EPHA2: variants seen among roughly 807,000 people sequenced by gnomAD.
EPHA2 encodes the protein EPH receptor A2.
In EPHA2, 54 loss-of-function variants were observed where a neutral mutation model predicts 104.9. The ratio of observed to expected loss-of-function variants is 0.51; its 90% CI spans 0.41 to 0.65. The LOEUF is 0.65. Among genes scored for constraint, EPHA2 ranks in the 30% least tolerant of loss-of-function variants. The pLI is 0.00. For synonymous variants in EPHA2, 560 were observed against 559.1 expected (o/e 1.00, Z -0.02); for missense variants, 1,117 against 1,369.5 (o/e 0.82, Z 2.91).
At chr1:16,133,399 T>A (rs2124206417) in intron 10 of EPHA2, 31 bp from the exon 11 acceptor site, 2 of 1,613,844 alleles carry the variant, frequency 1.2e-6, no homozygotes, top group African/African-American at 2.7e-5. Flanking sequence ...GGGAGTGCCC[T>A]GGTCAGCCCC....
chr1:16,153,907 A>AC (rs1569620392), intron 1 of EPHA2, among the ~76,000 whole-genome samples: 1 of 150,106 alleles, frequency 6.7e-6, no homozygotes, highest in East Asian at 2.0e-4. Flanking sequence ...CATCATGCCC[A>AC]CCCCCACCTA....
In EPHA2 at chr1:16,129,450, C is replaced by T; in HGVS notation, c.2809G>A (p.Val937Met). ...AAGYTAIEKV[V>M]QMTNDDIKRI... ...CTGACTTACTCGTTGGTCATCTGCACCACCTTCTCGATGGCAGTGTAGCCG... is the reference window on the plus strand; with the variant it reads ...CTGACTTACTCGTTGGTCATCTGCATCACCTTCTCGATGGCAGTGTAGCCG... The change falls in exon 16 of 17, where the codon GTG becomes ATG. Residue 937 changes from valine to methionine, a missense_variant. This residue lies in a region of EPHA2 where 340 missense variants were observed against 480.5 expected (regional missense o/e 0.71). Transcript: ENST00000358432. 4 of 1,613,550 alleles carry T rather than the reference C, an allele frequency of 2.5e-6. No individual in the cohort carries two copies. Among genetic ancestry groups the T allele is most frequent in the Non-Finnish European group, 3.4e-6 (4 of 1,180,012 alleles).
In EPHA2 at chr1:16,135,750, C is replaced by G; in HGVS notation, c.1333G>C (p.Glu445Gln). 6.2e-7 allele frequency: 1 copy of G among 1,613,168 alleles called. No homozygotes were observed. Among genetic ancestry groups the G allele is most frequent in the Non-Finnish European group, 8.5e-7 (1 of 1,179,916 alleles). Residue 445 changes from glutamate (E) to glutamine (Q), a missense_variant, in exon 6 of 17, where the codon GAG becomes CAG. By Grantham distance (29) the Glu-to-Gln change is conservative. Coordinates refer to ENST00000358432, the MANE Select transcript of EPHA2 (RefSeq NM_004431.5). The surrounding 1 kb of genome is among the most constrained non-coding windows in gnomAD (Gnocchi z 4.3). ...NQTEPPKVRL[E>Q]GRSTTSLSVS... ...CTAAGCGAGGTGGTGCTGCGGCCCT[C>G]CAGCCTCACCTTGGGGGGCTCTGGG...
rs1329713437 is a variant in EPHA2, at chr1:16,125,325, G to A, written c.2826-5C>T. On this transcript the variant is annotated splice_polypyrimidine_tract_variant and splice_region_variant and intron_variant, in intron 16 of 16. Coordinates refer to ENST00000358432, the MANE Select transcript of EPHA2 (RefSeq NM_004431.5). The surrounding 1 kb of genome is among the most constrained non-coding windows in gnomAD (Gnocchi z 4.9). ...ACCCCAATCCTCTTGATGTCGCTGT[G>A]GGCCGGGAGGGAGAGAGGGAGAGTT... 3 of 1,611,150 alleles carry A rather than the reference G, an allele frequency of 1.9e-6. No homozygotes were observed. Among genetic ancestry groups the A allele is most frequent in the Non-Finnish European group, 2.5e-6 (3 of 1,178,460 alleles).
In EPHA2 at chr1:16,150,126, G is replaced by A. The variant is rs912411677; in HGVS notation, c.153+770C>T. 3.0e-4 allele frequency among the ~76,000 whole-genome samples: 45 copies of A among 152,184 alleles called. No homozygotes were observed. The highest frequency in any genetic ancestry group is 1.0e-3 in the African/African-American group (43 of 41,432). On this transcript the variant is annotated intron_variant, in intron 2 of 16. Transcript: ENST00000358432. This position sits in a 1 kb window ranked among gnomAD's most constrained non-coding sequence, Gnocchi z 4.8. Reference sequence around the variant, plus strand: ...AAGCCTGCCCAGAGCTAGGGTGACCGGGGACAAGAACTCGACTCATGCAGA... The same window carrying A: ...AAGCCTGCCCAGAGCTAGGGTGACCAGGGACAAGAACTCGACTCATGCAGA...
intron 1 of EPHA2, among the ~76,000 whole-genome samples, chr1:16,154,637 C>T (rs1322556106): frequency 6.6e-6 from 1 of 151,682 alleles, no homozygotes; most frequent in Non-Finnish European, 1.5e-5. Context: ...CACCTGTAAT[C>T]CCAGCTACTA....
Position 16,125,378 on chromosome 1 carries a change from G to T in EPHA2, c.2826-58C>A. On this transcript the variant is annotated intron_variant, in intron 16 of 16. Coordinates refer to ENST00000358432, the MANE Select transcript of EPHA2 (RefSeq NM_004431.5). The surrounding 1 kb of genome is among the most constrained non-coding windows in gnomAD (Gnocchi z 4.9). ...GGGCTGGAGCAGGGGAGGGGGCCGGGCTGGGTGGGGACAGGACTCGGTGGG... is the reference window on the plus strand; with the variant it reads ...GGGCTGGAGCAGGGGAGGGGGCCGGTCTGGGTGGGGACAGGACTCGGTGGG... 1 of 1,034,534 alleles carries T rather than the reference G, an allele frequency of 9.7e-7. No individual in the cohort carries two copies. The highest frequency in any genetic ancestry group is 2.2e-5 in the Admixed American group (1 of 45,388). The allele number at this position is 1,034,534 out of a possible 1,614,324, so 64.1% of individuals were successfully genotyped here. A position where few individuals can be genotyped will look rare whatever the true frequency, so the allele number is the denominator to read the frequency against.
chr1:16,127,331 T>C (rs886123242), intron 16 of EPHA2, among the ~76,000 whole-genome samples: 5 of 152,192 alleles, frequency 3.3e-5, no homozygotes, highest in African/African-American at 9.7e-5. Context: ...GGGGTTGGGC[T>C]ATTTTTCTGG....
In EPHA2 at chr1:16,134,364, G is replaced by T; in HGVS notation, c.1682+104C>A. ...CCATCCGGAGGCAGGGATTAGACTCGACTAGCATCCTGTGGGCCCCATCGT... is the reference window on the plus strand; with the variant it reads ...CCATCCGGAGGCAGGGATTAGACTCTACTAGCATCCTGTGGGCCCCATCGT... On this transcript the variant is annotated intron_variant, in intron 8 of 16. Transcript: ENST00000358432. The surrounding 1 kb of genome is among the most constrained non-coding windows in gnomAD (Gnocchi z 4.5). 8.1e-7 allele frequency: 1 copy of T among 1,237,654 alleles called. No individual in the cohort carries two copies. The highest frequency in any genetic ancestry group is 1.9e-5 in the Admixed American group (1 of 52,038). 76.7% of individuals were successfully genotyped at this position (1,237,654 alleles called of 1,614,324 possible). A position where few individuals can be genotyped will look rare whatever the true frequency, so the allele number is the denominator to read the frequency against.
chr1:16,136,467 A>G (rs2124218900), intron 5 of EPHA2, among the ~76,000 whole-genome samples: 1 of 151,398 alleles, frequency 6.6e-6, no homozygotes, highest in Non-Finnish European at 1.5e-5. Flanking sequence ...TAAAAATACA[A>G]AATTAGCTGG....
chr1:16,142,984 A>AATGTATGGATGGATGG (rs2024853660), intron 3 of EPHA2, among the ~76,000 whole-genome samples: 1 of 73,910 alleles, frequency 1.4e-5, no homozygotes, highest in African/African-American at 5.8e-5. Flanking sequence ...TGGAGGGATG[A>AATGTATGGATGGATGG]ATGGATGGAT....
rs566951314 is a variant in EPHA2 at position 16,133,638 on chromosome 1, C to A, written c.1739-32G>T. On this transcript the variant is annotated intron_variant, in intron 9 of 16. Coordinates refer to ENST00000358432, the MANE Select transcript of EPHA2 (RefSeq NM_004431.5). ...GGAGAAGGGGTGGGGTCACAGGCAG[C>A]TCAGGAGGGGCCCCATGGGGGGTGC... The A allele has an allele frequency of 5.3e-5, 86 of 1,613,140 alleles. No homozygotes were observed. The South Asian group carries it at 9.2e-4, about 17-fold the overall frequency.
intron 3 of EPHA2, among the ~76,000 whole-genome samples, chr1:16,147,501 T>C (rs775618460): frequency 6.6e-6 from 1 of 151,938 alleles, no homozygotes; most frequent in Non-Finnish European, 1.5e-5. Context: ...TAAGGCCACA[T>C]AGTGAGCTGA....
At chr1:16,145,885 T>A (rs1372428513) in intron 3 of EPHA2, among the ~76,000 whole-genome samples, 1 of 152,194 alleles carries the variant, frequency 6.6e-6, no homozygotes, top group Non-Finnish European at 1.5e-5. Flanking sequence ...CCTCTTTAGC[T>A]CTCTGAACCT....
At chr1:16,154,526 G>A (rs563656820) in intron 1 of EPHA2, among the ~76,000 whole-genome samples, 4 of 151,926 alleles carry the variant, frequency 2.6e-5, no homozygotes, top group Non-Finnish European at 5.9e-5. Flanking sequence ...GGCCGCGGCG[G>A]GTGGATCACC....
intron 3 of EPHA2, among the ~76,000 whole-genome samples, chr1:16,139,965 C>T (rs966637229): frequency 2.6e-5 from 4 of 152,164 alleles, no homozygotes; most frequent in Non-Finnish European, 5.9e-5. Flanking sequence ...CTAAGGACAA[C>T]CCCCTCCAGG....
intron 2 of EPHA2, among the ~76,000 whole-genome samples, 156 bp from the exon 3 acceptor site, chr1:16,149,203 A>G (rs962248116): frequency 6.6e-6 from 1 of 152,154 alleles, no homozygotes; most frequent in Non-Finnish European, 1.5e-5. Context: ...GGCTGCATCC[A>G]TAAGTGGCTG....
intron 5 of EPHA2, among the ~76,000 whole-genome samples, chr1:16,136,309 T>TAATAAG (rs1299288664): frequency 7.1e-6 from 1 of 140,920 alleles, no homozygotes; most frequent in Non-Finnish European, 1.5e-5. Context: ...GCATAAATAA[T>TAATAAG]AATAATAATA....
chr1:16,149,068 TTAGTGTG>T, intron 2 of EPHA2, 21 bp from the exon 3 acceptor site: 1 of 1,609,392 alleles, frequency 6.2e-7, no homozygotes, highest in Non-Finnish European at 8.5e-7. Flanking sequence ...AAGATACAGG[TTAGTGTG>T]GGCAGGTGCC....
Sources: allele counts gnomAD v4.1 joint callset (sites outside exome capture counted in the v4.1 genomes callset), GRCh38; gene constraint gnomAD v4.1.1; regional missense constraint gnomAD v4.1.1; non-coding constraint Gnocchi (gnomAD v3.1); transcripts MANE v1.5; gene names NCBI Gene and HGNC (gene_info 2026-07-23, HGNC 2026-07-21).